Variants in PTPRB observed in about 807,000 individuals in gnomAD.
PTPRB encodes protein tyrosine phosphatase receptor type B, also known as receptor-type tyrosine-protein phosphatase beta.
In PTPRB, 97 loss-of-function variants were observed where a neutral mutation model predicts 238.1. That is an observed-to-expected ratio of 0.41 (90% CI 0.35 to 0.48). The LOEUF is 0.48. Ranked by LOEUF, PTPRB falls within the 20% of genes least tolerant of loss-of-function variation. The probability of loss-of-function intolerance (pLI) is 0.30; values close to 1 mark genes in which losing one functional copy is unlikely to be tolerated. For synonymous variants in PTPRB, 970 were observed against 995.4 expected (o/e 0.97, Z 0.48); for missense variants, 2,292 against 2,681.9 (o/e 0.85, Z 3.21).
At chr12:70,578,260 A>G (rs1881005267) in intron 10 of PTPRB, among the ~76,000 whole-genome samples, 2 of 152,214 alleles carry the variant, frequency 1.3e-5, no homozygotes, top group South Asian at 2.1e-4. Flanking sequence ...CAGGTGAAAT[A>G]TAAGAATACC....
intron 31 of PTPRB, among the ~76,000 whole-genome samples, chr12:70,532,927 G>A (rs1457695953): frequency 1.3e-5 from 2 of 152,172 alleles, no homozygotes; most frequent in African/African-American, 4.8e-5. Flanking sequence ...TTAGAGGCAG[G>A]ATATACCACA....
At chr12:70,597,169 G>A (rs191480524) in intron 4 of PTPRB, among the ~76,000 whole-genome samples, 2 of 152,124 alleles carry the variant, frequency 1.3e-5, no homozygotes, top group Admixed American at 6.5e-5. Flanking sequence ...TGATCTGCCC[G>A]CCTCAGCTTC....
intron 2 of PTPRB, among the ~76,000 whole-genome samples, chr12:70,625,998 A>G (rs1168160653): frequency 6.6e-6 from 1 of 152,160 alleles, no homozygotes; most frequent in Non-Finnish European, 1.5e-5. Flanking sequence ...TGTGTATTTT[A>G]TCTTATAAAT....
intron 4 of PTPRB, among the ~76,000 whole-genome samples, chr12:70,600,483 A>G (rs1200009662): frequency 3.3e-5 from 5 of 152,238 alleles, no homozygotes; most frequent in Non-Finnish European, 5.9e-5. Flanking sequence ...AATGATAGGC[A>G]TATTTATAGA....
chr12:70,620,022 A>T (rs924638690), intron 3 of PTPRB, among the ~76,000 whole-genome samples: 4 of 152,206 alleles, frequency 2.6e-5, no homozygotes, highest in African/African-American at 9.6e-5. Flanking sequence ...AAGGCGTTAG[A>T]GTCATGAGAG....
At chr12:70,602,396 CTA>C (rs1029108693) in intron 4 of PTPRB, among the ~76,000 whole-genome samples, 11 of 152,160 alleles carry the variant, frequency 7.2e-5, no homozygotes, top group African/African-American at 2.7e-4. Context: ...TCAATATTAT[CTA>C]AAATGCTGTA....
intron 13 of PTPRB, among the ~76,000 whole-genome samples, chr12:70,570,147 G>A (rs1276517359): frequency 6.6e-6 from 1 of 152,070 alleles, no homozygotes; most frequent in Non-Finnish European, 1.5e-5. Flanking sequence ...GCCGGTGAGT[G>A]GAAATGAGGA....
intron 7 of PTPRB, among the ~76,000 whole-genome samples, chr12:70,590,951 T>G (rs535221770): frequency 6.7e-6 from 1 of 149,134 alleles, no homozygotes; most frequent in Non-Finnish European, 1.5e-5. Flanking sequence ...TTTTTTTTTT[T>G]TTTTTTTTTT....
Position 70,576,492 on chromosome 12 carries a change from G to A in PTPRB, c.2732C>T (p.Ser911Phe). 1 of 1,583,088 alleles carries A rather than the reference G, an allele frequency of 6.3e-7. No homozygotes were observed. ...GGAGCTGAAGGAACATTCTCTGACA[G>A]ACTTGGCAATGACAAGGGACTGAAC... ...KVVQSLVIAK[S>F]VRECSFSSLT... is the part of the protein sequence containing the mutation. The change falls in exon 11 of 34, where the codon TCT (serine) becomes TTT (phenylalanine). Residue 911 changes from serine to phenylalanine, a missense_variant. This residue lies in a region of PTPRB where 1,205 missense variants were observed against 1,287.8 expected (regional missense o/e 0.94). Transcript: ENST00000334414.
intron 32 of PTPRB, among the ~76,000 whole-genome samples, chr12:70,527,999 TAATGCATTTAAATGCCATTAA>T (rs1479527132): frequency 6.6e-6 from 1 of 152,294 alleles, no homozygotes; most frequent in Non-Finnish European, 1.5e-5. Flanking sequence ...CCATTAAAAG[TAATGCATTTAAATGCCATTAA>T]AATGCAATTA....
At chr12:70,620,026 A>C (rs923633133) in intron 3 of PTPRB, among the ~76,000 whole-genome samples, 9 of 152,220 alleles carry the variant, frequency 5.9e-5, no homozygotes, top group African/African-American at 2.2e-4. Context: ...CGTTAGAGTC[A>C]TGAGAGCTGC....
chr12:70,637,206 T>G, intron 1 of PTPRB, 135 bp downstream of exon 1: 2 of 727,982 alleles, frequency 2.7e-6, no homozygotes, highest in Non-Finnish European at 4.4e-6. Flanking sequence ...CTTTTATTCC[T>G]GCTTTTCATC....
chr12:70,626,238 G>GA lies in PTPRB; in HGVS notation c.452-3593dup, dbSNP rs144238299. Among the ~76,000 whole-genome samples, 878 of 141,842 alleles carry GA rather than the reference G, an allele frequency of 6.2e-3. 26 individuals are homozygous for GA. Among genetic ancestry groups the GA allele is most frequent in the African/African-American group, 0.021 (814 of 37,970 alleles). 93.1% of individuals were successfully genotyped at this position (141,842 alleles called of 152,430 possible). On this transcript the variant is annotated intron_variant, in intron 2 of 33. Coordinates refer to ENST00000334414, the MANE Select transcript of PTPRB (RefSeq NM_001109754.4). ...TTTTTAACAGAGAGCAAATCATCTG[G>GA]AAAAAAGATAACAAATGAAACAGGA...
At chr12:70,592,672 A>G in intron 6 of PTPRB, 127 bp from the exon 7 acceptor site, 1 of 981,604 alleles carries the variant, frequency 1.0e-6, no homozygotes. Flanking sequence ...AAGCACTTCA[A>G]GAGGCAAATA....
rs374085705 is a variant in PTPRB, at chr12:70,539,650, T to C, written c.5753A>G (p.Asn1918Ser). The C allele has an allele frequency of 1.7e-5, 27 of 1,578,650 alleles. No homozygotes were observed. The African/African-American group carries it at 2.7e-4, about 16-fold the overall frequency. The change falls in exon 26 of 34, where the codon AAC becomes AGC. Residue 1918 changes from asparagine (N) to serine (S), a missense_variant. Transcript: ENST00000334414. Reference protein sequence around the residue: ...GHFMKLQADSNYLLSKEYEEL... With the variant: ...GHFMKLQADSSYLLSKEYEEL... Reference sequence around the variant, plus strand: ...CTCGTATTCCTTGGATAGAAGGTAGTTGGAGTCAGCCTGTAGCTTCATGAA... The same window carrying C: ...CTCGTATTCCTTGGATAGAAGGTAGCTGGAGTCAGCCTGTAGCTTCATGAA...
intron 31 of PTPRB, among the ~76,000 whole-genome samples, chr12:70,533,649 C>T (rs1873646002): frequency 1.3e-5 from 2 of 152,208 alleles, no homozygotes; most frequent in African/African-American, 4.8e-5. Flanking sequence ...ACTTAATCTT[C>T]AATGCAACAG....
At chr12:70,637,298 ATCTTGAAGAAATG>A in intron 1 of PTPRB, 30 bp downstream of exon 1, 1 of 1,558,168 alleles carries the variant, frequency 6.4e-7, no homozygotes, top group Non-Finnish European at 8.8e-7. Flanking sequence ...CCTTGGCTAG[ATCTTGAAGAAATG>A]CCTCAGGACA....
At chr12:70,573,505 C>CTTTTTTTTTTTTTTTTT (rs937307862) in intron 11 of PTPRB, among the ~76,000 whole-genome samples, 17 of 90,788 alleles carry the variant, frequency 1.9e-4, no homozygotes, top group Non-Finnish European at 3.4e-4. Flanking sequence ...CTTTTCTTTT[C>CTTTTTTTTTTTTTTTTT]TTTTTTTTTT....
At chr12:70,524,273 ATTTTT>A (rs35772909) in intron 33 of PTPRB, among the ~76,000 whole-genome samples, 193 bp downstream of exon 33, 1 of 142,066 alleles carries the variant, frequency 7.0e-6, no homozygotes, top group South Asian at 2.2e-4. Context: ...ATGTCTGGCT[ATTTTT>A]TTTTTTTTTA....
Sources: gnomAD v4.1 joint callset for allele counts (sites outside exome capture counted in the v4.1 genomes callset) on GRCh38, gnomAD v4.1.1 for gene constraint, gnomAD v4.1.1 regional missense constraint, MANE v1.5 for transcripts, NCBI Gene and HGNC (gene_info 2026-07-23, HGNC 2026-07-21) for gene names.